The following UST variants were observed in gnomAD, a reference collection of about 807,000 sequenced individuals.
UST encodes uronyl 2-sulfotransferase.
UST carries 21 observed loss-of-function variants against 45.6 expected under a neutral mutation model. That is an observed-to-expected ratio of 0.46 (90% CI 0.33 to 0.66). The LOEUF (loss-of-function observed/expected upper bound fraction) is 0.66. Among genes scored for constraint, UST ranks in the 30% least tolerant of loss-of-function variants. The pLI is 0.02. For synonymous variants in UST, 215 were observed against 200.6 expected, an observed-to-expected ratio of 1.07 and a Z score of -0.61; for missense variants, 463 against 512.4, an observed-to-expected ratio of 0.90 and a Z score of 0.93.
chr6:149,017,825 CACACA>C (rs1333811545), intron 5 of UST, among the ~76,000 whole-genome samples: 2 of 149,954 alleles, frequency 1.3e-5, no homozygotes, highest in East Asian at 3.9e-4. Context: ...CACACACACA[CACACA>C]CACACACATC....
At chr6:148,844,261 C>T (rs1456454697) in intron 1 of UST, among the ~76,000 whole-genome samples, 4 of 152,192 alleles carry the variant, frequency 2.6e-5, no homozygotes, top group African/African-American at 4.8e-5. Context: ...ATCCTCAAAA[C>T]AGCCCTGGGA....
chr6:148,835,537 A>G (rs1777771355), intron 1 of UST, among the ~76,000 whole-genome samples: 1 of 152,204 alleles, frequency 6.6e-6, no homozygotes, highest in Non-Finnish European at 1.5e-5. Flanking sequence ...TGGCTTGTTA[A>G]GGTTTAATGA....
At chr6:148,883,700 A>G (rs1464256418) in intron 1 of UST, among the ~76,000 whole-genome samples, 3 of 152,212 alleles carry the variant, frequency 2.0e-5, no homozygotes, top group Non-Finnish European at 4.4e-5. Flanking sequence ...TAAGAAAATG[A>G]CCCAGTATCA....
chr6:148,796,797 CTTTTTTTTTTTT>C (rs1195878764), intron 1 of UST, among the ~76,000 whole-genome samples: 1 of 72,054 alleles, frequency 1.4e-5, no homozygotes, highest in Non-Finnish European at 2.4e-5. Flanking sequence ...TCTGATAATT[CTTTTTTTTTTTT>C]TTTTTTTTTT....
At chr6:149,010,627 G>T (rs530920171) in intron 5 of UST, among the ~76,000 whole-genome samples, 1 of 152,068 alleles carries the variant, frequency 6.6e-6, no homozygotes, top group East Asian at 1.9e-4. Flanking sequence ...GGGTCCAGTG[G>T]CTCATGCCTG....
At chr6:149,016,746 CT>C (rs1311663043) in intron 5 of UST, among the ~76,000 whole-genome samples, 1 of 152,188 alleles carries the variant, frequency 6.6e-6, no homozygotes, top group Non-Finnish European at 1.5e-5. Context: ...TGTGACAGTT[CT>C]TTGGATGTTC....
intron 5 of UST, among the ~76,000 whole-genome samples, chr6:149,000,909 A>C (rs1781536484): frequency 6.6e-6 from 1 of 152,238 alleles, no homozygotes; most frequent in Admixed American, 6.5e-5. Flanking sequence ...AATGGAATTC[A>C]GAAACAGATA....
At chr6:149,008,618 G>A (rs747912560) in intron 5 of UST, among the ~76,000 whole-genome samples, 1 of 152,188 alleles carries the variant, frequency 6.6e-6, no homozygotes, top group Non-Finnish European at 1.5e-5. Context: ...GAGTGCATTT[G>A]GAGGAGAAAA....
intron 7 of UST, among the ~76,000 whole-genome samples, chr6:149,035,817 G>T (rs1207889702): frequency 2.6e-5 from 4 of 152,070 alleles, no homozygotes; most frequent in African/African-American, 9.6e-5. Flanking sequence ...CAATGAAGGA[G>T]GCTCATTGAC....
intron 2 of UST, among the ~76,000 whole-genome samples, chr6:148,912,119 C>T (rs1487740461): frequency 6.6e-6 from 1 of 152,224 alleles, no homozygotes; most frequent in African/African-American, 2.4e-5. Context: ...ATCGTCTGAA[C>T]CTTGGAGACG....
At chr6:148,941,494 T>C in intron 3 of UST, 60 bp downstream of exon 3, 1 of 1,526,602 alleles carries the variant, frequency 6.6e-7, no homozygotes, top group Non-Finnish European at 8.8e-7. Flanking sequence ...GTGTAACTAG[T>C]GGGTGCCTTA....
chr6:149,028,906 GT>G (rs765386480), intron 7 of UST, among the ~76,000 whole-genome samples: 4 of 152,148 alleles, frequency 2.6e-5, no homozygotes, highest in Admixed American at 2.0e-4. Context: ...TGATAATAGA[GT>G]TTTTTTAAGT....
chr6:148,968,713 C>T (rs1780855431), intron 5 of UST, among the ~76,000 whole-genome samples: 1 of 152,220 alleles, frequency 6.6e-6, no homozygotes, highest in Non-Finnish European at 1.5e-5. Flanking sequence ...CTCCCTTTTC[C>T]AGTCTTGGAG....
At chr6:148,859,140 C>T (rs1004335978) in intron 1 of UST, among the ~76,000 whole-genome samples, 7 of 152,188 alleles carry the variant, frequency 4.6e-5, no homozygotes, top group Admixed American at 4.6e-4. Flanking sequence ...TCCTATTTCT[C>T]CACATCCTCT....
At chr6:148,946,566 C>T (rs1780242923) in intron 3 of UST, among the ~76,000 whole-genome samples, 1 of 136,078 alleles carries the variant, frequency 7.3e-6, no homozygotes, top group Non-Finnish European at 1.6e-5. Flanking sequence ...AATCTCAGCA[C>T]TTTGGGAGGC....
intron 2 of UST, among the ~76,000 whole-genome samples, chr6:148,929,693 C>T (rs1488437370): frequency 6.6e-6 from 1 of 152,112 alleles, no homozygotes; most frequent in Non-Finnish European, 1.5e-5. Flanking sequence ...TTTTGGTTAC[C>T]TGCAGATACA....
chr6:148,874,980 C>T (rs1393109750), intron 1 of UST, among the ~76,000 whole-genome samples: 4 of 152,186 alleles, frequency 2.6e-5, no homozygotes, highest in Non-Finnish European at 5.9e-5. Flanking sequence ...GGCGACATGC[C>T]GCCACATGAT....
intron 3 of UST, among the ~76,000 whole-genome samples, chr6:148,949,501 A>C (rs906967209): frequency 5.9e-5 from 9 of 151,758 alleles, no homozygotes; most frequent in African/African-American, 2.2e-4. Context: ...ACCTTGGTGC[A>C]CTCAGAAAAT....
At chr6:148,912,186 G>C (rs1306923411) in intron 2 of UST, among the ~76,000 whole-genome samples, 2 of 152,150 alleles carry the variant, frequency 1.3e-5, no homozygotes, top group African/African-American at 4.8e-5. Flanking sequence ...GACACAGCGA[G>C]GGTCTATTTC....
Sources: gnomAD v4.1 joint callset for allele counts (sites outside exome capture counted in the v4.1 genomes callset) on GRCh38, gnomAD v4.1.1 for gene constraint, MANE v1.5 for transcripts, NCBI Gene and HGNC (gene_info 2026-07-23, HGNC 2026-07-21) for gene names.